Variants in USP34 observed in about 807,000 individuals in gnomAD.
USP34 encodes the protein ubiquitin carboxyl-terminal hydrolase 34.
Under a neutral mutation model 460.3 loss-of-function variants are expected in USP34, and 70 were observed. The observed-to-expected ratio is 0.15, with a 90% CI of 0.13 to 0.19. The LOEUF is 0.19. Among genes scored for constraint, USP34 ranks in the 10% least tolerant of loss-of-function variants. The pLI, the probability that USP34 is intolerant of heterozygous loss-of-function variation, is 1.00. For missense variants in USP34, 3,985 were observed against 4,236.2 expected, an observed-to-expected ratio of 0.94 and a Z score of 1.65; for synonymous variants, 1,647 against 1,405.3, an observed-to-expected ratio of 1.17 and a Z score of -3.85.
intron 10 of USP34, among the ~76,000 whole-genome samples, chr2:61,353,390 G>A (rs111270682): frequency 0.012 from 1,773 of 148,702 alleles, 36 homozygotes; most frequent in African/African-American, 0.042. Flanking sequence ...CTTCCTAGAC[G>A]AATGTTTTTT....
At chr2:61,351,677 C>T (rs1181662558) in intron 10 of USP34, among the ~76,000 whole-genome samples, 2 of 152,118 alleles carry the variant, frequency 1.3e-5, no homozygotes, top group South Asian at 2.1e-4. Context: ...TCTTCTGCTG[C>T]TTCTCTTTCA....
chr2:61,276,395 T>C (rs1484598757), intron 41 of USP34, among the ~76,000 whole-genome samples: 1 of 152,152 alleles, frequency 6.6e-6, no homozygotes, highest in African/African-American at 2.4e-5. Context: ...TAAAAATACA[T>C]TTTCTTTTTT....
intron 1 of USP34, among the ~76,000 whole-genome samples, chr2:61,425,004 G>C (rs1195411261): frequency 2.0e-5 from 3 of 152,080 alleles, no homozygotes; most frequent in Admixed American, 1.3e-4. Flanking sequence ...ATTTTTAGTA[G>C]AGACAGGGTT....
At chr2:61,468,572 C>T (rs1398772570) in intron 1 of USP34, among the ~76,000 whole-genome samples, 1 of 152,156 alleles carries the variant, frequency 6.6e-6, no homozygotes, top group Non-Finnish European at 1.5e-5. Flanking sequence ...TATTAAGAAA[C>T]TAAGTATTTT....
intron 3 of USP34, among the ~76,000 whole-genome samples, chr2:61,400,104 A>G (rs1263132953): frequency 7.7e-6 from 1 of 130,368 alleles, no homozygotes; most frequent in Non-Finnish European, 1.6e-5. Flanking sequence ...CTATACAGGA[A>G]AGGCAATTTT....
chr2:61,419,732 A>G (rs1000672802), intron 2 of USP34, among the ~76,000 whole-genome samples: 8 of 152,330 alleles, frequency 5.3e-5, no homozygotes, highest in East Asian at 3.9e-4. Flanking sequence ...ACTCAAGATT[A>G]TGACTCAGAC....
chr2:61,358,086 G>A (rs1692159949), intron 10 of USP34, among the ~76,000 whole-genome samples: 1 of 152,104 alleles, frequency 6.6e-6, no homozygotes, highest in African/African-American at 2.4e-5. Context: ...CAGCTACTCA[G>A]GAGGCTGAGA....
At chr2:61,257,417 A>T in intron 44 of USP34, 67 bp from the exon 45 acceptor site, 1 of 1,365,242 alleles carries the variant, frequency 7.3e-7, no homozygotes, top group South Asian at 1.7e-5. Context: ...TTCTTCAATG[A>T]ACATATAACA....
chr2:61,213,140 C>T (rs912676601), intron 68 of USP34, among the ~76,000 whole-genome samples: 3 of 152,066 alleles, frequency 2.0e-5, no homozygotes, highest in Admixed American at 6.6e-5. Flanking sequence ...CTCAGCCTCC[C>T]AAGCAGCTGC....
chr2:61,220,119 T>C (rs1175322844), intron 67 of USP34, 191 bp downstream of exon 67: 2 of 470,590 alleles, frequency 4.2e-6, no homozygotes, highest in Admixed American at 9.9e-5. Context: ...GTAGTGATGA[T>C]GTTACCCAAG....
At chr2:61,330,366 C>G (rs563327213) in intron 20 of USP34, among the ~76,000 whole-genome samples, 2 of 152,254 alleles carry the variant, frequency 1.3e-5, no homozygotes, top group East Asian at 3.9e-4. Flanking sequence ...TGCCTCAAGT[C>G]TCAAGTTTTA....
At chr2:61,324,655 C>T (rs949658475) in intron 21 of USP34, among the ~76,000 whole-genome samples, 27 of 151,838 alleles carry the variant, frequency 1.8e-4, no homozygotes. Flanking sequence ...CATAGTCCCA[C>T]GTTACTGAGG....
At chr2:61,193,862 TAACACAGCTCA>T (rs912886828) in intron 75 of USP34, among the ~76,000 whole-genome samples, 16 of 152,210 alleles carry the variant, frequency 1.1e-4, no homozygotes, top group African/African-American at 3.4e-4. Flanking sequence ...CATGCTCTGT[TAACACAGCTCA>T]ACCCTGCTGA....
intron 10 of USP34, among the ~76,000 whole-genome samples, chr2:61,358,145 T>C (rs186261195): frequency 2.5e-4 from 38 of 151,760 alleles, no homozygotes; most frequent in South Asian, 4.2e-4. Flanking sequence ...TGAACCAAGA[T>C]TGCACCACGG....
Position 61,208,961 on chromosome 2 carries a change from A to T in USP34, c.8857T>A (p.Leu2953Ile), listed in dbSNP as rs1406003402. The change falls in exon 70 of 80, where the codon TTA (leucine) becomes ATA (isoleucine). Residue 2953 changes from leucine (L) to isoleucine (I), a missense_variant. Physicochemically the swap from Leu to Ile is conservative, Grantham distance 5. Coordinates refer to ENST00000398571, the MANE Select transcript of USP34 (RefSeq NM_014709.4). The stretch of plus-strand genomic sequence containing the variant: ...AGAAGTCTGTCTTCATCAGATTCTA[A>T]TAGTATTCTGAAGGCACTAGAAGAA... ...TTLISAFRIL[L>I]ESDEDRLLVV... The T allele has an allele frequency of 1.3e-6, 2 of 1,591,896 alleles. No homozygotes were observed. The highest frequency in any genetic ancestry group is 2.3e-5 in the South Asian group (2 of 85,506).
Position 61,396,538 on chromosome 2 carries a change from G to C in USP34, c.553-1305C>G, listed in dbSNP as rs936755790. Among the ~76,000 whole-genome samples the C allele has an allele frequency of 1.5e-4, 22 of 151,020 alleles. No homozygotes were observed. In the East Asian group the frequency reaches 3.1e-3, roughly 21 times the overall value. On this transcript the variant is annotated intron_variant, in intron 3 of 79. Transcript: ENST00000398571. ...GAGTCTCGCACTGTCGCTCAGGCTGGAGTGCAGGAGCATGATCTCGGATCA... is the reference window on the plus strand; with the variant it reads ...GAGTCTCGCACTGTCGCTCAGGCTGCAGTGCAGGAGCATGATCTCGGATCA...
chr2:61,283,202 A>G lies in USP34; in HGVS notation c.4941T>C (p.Leu1647=), dbSNP rs747838477. 13 of 1,613,642 alleles carry G rather than the reference A, an allele frequency of 8.1e-6. No individual in the cohort carries two copies. The East Asian group carries it at 2.9e-4, about 36-fold the overall frequency. ...AATCTTGTAAATGATCGCTATCAGC[A>G]AGGCTAGATTTCACTAAAGAACAGC... The part of the protein sequence containing the change: ...AHCCSLVKSS[L]ADSDHLQDWL... The change falls in exon 37 of 80, where the codon CTT becomes CTC. Residue 1647 remains leucine, a synonymous_variant. Coordinates refer to ENST00000398571, the MANE Select transcript of USP34 (RefSeq NM_014709.4).
chr2:61,251,709 T>G (rs1572872663), intron 48 of USP34, among the ~76,000 whole-genome samples: 1 of 152,328 alleles, frequency 6.6e-6, no homozygotes, highest in Non-Finnish European at 1.5e-5. Context: ...AGCAAATTTG[T>G]GTCTACTTTA....
intron 1 of USP34, among the ~76,000 whole-genome samples, chr2:61,450,869 T>C (rs1018801343): frequency 2.5e-5 from 3 of 120,022 alleles, no homozygotes; most frequent in South Asian, 2.6e-4. Flanking sequence ...AAAATTCCAA[T>C]AGAAACGGAG....
Sources: allele counts gnomAD v4.1 joint callset (sites outside exome capture counted in the v4.1 genomes callset), GRCh38; gene constraint gnomAD v4.1.1; transcripts MANE v1.5; gene names NCBI Gene and HGNC (gene_info 2026-07-23, HGNC 2026-07-21).